ARHGAP24: variants seen among roughly 807,000 people sequenced by gnomAD.
ARHGAP24 encodes the protein Rho GTPase activating protein 24, also known as rho GTPase-activating protein 24.
In ARHGAP24, 50 loss-of-function variants were observed where a neutral mutation model predicts 76.4. The ratio of observed to expected loss-of-function variants is 0.65; its 90% CI spans 0.52 to 0.83. ARHGAP24 has a LOEUF of 0.83. Ranked by LOEUF, ARHGAP24 falls within the 40% of genes least tolerant of loss-of-function variation. The pLI, the probability that ARHGAP24 is intolerant of heterozygous loss-of-function variation, is 0.00. For synonymous variants in ARHGAP24, 345 were observed against 323.3 expected (o/e 1.07, Z -0.72); for missense variants, 930 against 914.2 (o/e 1.02, Z -0.22).
chr4:85,995,433 G>C lies in ARHGAP24; in HGVS notation c.1779G>C (p.Leu593Phe). 6.2e-7 allele frequency: 1 copy of C among 1,611,238 alleles called. No homozygotes were observed. The highest frequency in any genetic ancestry group is 1.1e-5 in the South Asian group (1 of 90,980). Residue 593 changes from leucine to phenylalanine, a missense_variant, in exon 9 of 10, where the codon TTG becomes TTC. Transcript: ENST00000395184. ...FFGGNFEDPV[L>F]DGPPQDDLSH... is the part of the protein sequence containing the mutation. Reference sequence around the variant, plus strand: ...GGGGGAACTTTGAGGACCCTGTTTTGGATGGGCCCCCGCAGGACGACCTTT... The same window carrying C: ...GGGGGAACTTTGAGGACCCTGTTTTCGATGGGCCCCCGCAGGACGACCTTT...
chr4:85,951,880 A>T lies in ARHGAP24; in HGVS notation c.599+9607A>T, dbSNP rs755821374. Among the ~76,000 whole-genome samples the T allele has an allele frequency of 7.2e-5, 11 of 152,278 alleles. No homozygotes were observed. In the East Asian group the frequency reaches 2.1e-3, roughly 29 times the overall value. ...CTCTAATGTTAAGCCCTGAAATTTA[A>T]TTTTTAAATAGCATTTTAAAAATCA... On this transcript the variant is annotated intron_variant, in intron 5 of 9. Transcript: ENST00000395184.
chr4:86,000,454 C>G (rs745857753), intron 9 of ARHGAP24, 25 bp from the exon 10 acceptor site: 2 of 645,666 alleles, frequency 3.1e-6, no homozygotes, highest in Admixed American at 2.8e-5. Flanking sequence ...TCCCCACCCC[C>G]CACCCCCCCC....
At chr4:85,912,053 GAA>G (rs1735117147) in intron 3 of ARHGAP24, among the ~76,000 whole-genome samples, 1 of 152,104 alleles carries the variant, frequency 6.6e-6, no homozygotes, top group Non-Finnish European at 1.5e-5. Context: ...ACAGATTGAA[GAA>G]TTAACAGGGT....
At chr4:85,780,863 T>C (rs1242285946) in intron 3 of ARHGAP24, among the ~76,000 whole-genome samples, 2 of 152,224 alleles carry the variant, frequency 1.3e-5, no homozygotes, top group Non-Finnish European at 2.9e-5. Context: ...GAATAAGTAA[T>C]GTGTTACTGC....
chr4:85,653,976 AATT>A lies in ARHGAP24; in HGVS notation c.181-67900_181-67898del, dbSNP rs553421272. ...GCCTCTGATTCCTTATATTATTAAT[AATT>A]ATTATTATAATTATAATAGAGGTAG... On this transcript the variant is annotated intron_variant, in intron 2 of 9. Coordinates refer to ENST00000395184, the MANE Select transcript of ARHGAP24 (RefSeq NM_001025616.3). 1.8e-3 allele frequency among the ~76,000 whole-genome samples: 281 copies of A among 151,956 alleles called. 1 individual carries two copies. Among genetic ancestry groups the A allele is most frequent in the African/African-American group, 6.7e-3 (276 of 41,478 alleles).
At chr4:85,956,414 G>A (rs372175924) in intron 5 of ARHGAP24, among the ~76,000 whole-genome samples, 12 of 152,200 alleles carry the variant, frequency 7.9e-5, no homozygotes, top group East Asian at 7.7e-4. Context: ...CTTGTTACCC[G>A]GGGGTTCTTG....
chr4:85,739,228 A>G (rs1476535559), intron 3 of ARHGAP24, among the ~76,000 whole-genome samples: 2 of 152,082 alleles, frequency 1.3e-5, no homozygotes, highest in African/African-American at 4.8e-5. Flanking sequence ...TAGGCTTTGT[A>G]ATTTGAGTCT....
At position 85,972,175 on chromosome 4, in the gene ARHGAP24, T is replaced by C. The variant is rs764397086; in HGVS notation, c.732+7T>C. The C allele has an allele frequency of 6.2e-7, 1 of 1,613,254 alleles. No homozygotes were observed. The highest frequency in any genetic ancestry group is 8.5e-7 in the Non-Finnish European group (1 of 1,179,952). On this transcript the variant is annotated splice_region_variant and intron_variant, in intron 6 of 9. Coordinates refer to ENST00000395184, the MANE Select transcript of ARHGAP24 (RefSeq NM_001025616.3). ...CAGCAAGGAAGAGGAAGCAGTAAGT[T>C]GATGCATTTATTTCCAAATAAGCTT...
chr4:85,924,714 A>T (rs1178477399), intron 4 of ARHGAP24: 1 of 152,108 alleles, frequency 6.6e-6, no homozygotes, highest in East Asian at 1.9e-4. Flanking sequence ...TTTTAGAATA[A>T]CTTCAAAAGC....
intron 2 of ARHGAP24, among the ~76,000 whole-genome samples, chr4:85,627,933 G>A (rs958800668): frequency 1.3e-5 from 2 of 152,152 alleles, no homozygotes; most frequent in Admixed American, 1.3e-4. Flanking sequence ...GAAAAGCGCA[G>A]TATTAGGGTG....
chr4:85,919,973 A>G (rs575050845), intron 3 of ARHGAP24, among the ~76,000 whole-genome samples: 4 of 152,322 alleles, frequency 2.6e-5, no homozygotes, highest in Admixed American at 2.6e-4. Flanking sequence ...TGCCACTTAT[A>G]TGTCATACAG....
In ARHGAP24 at chr4:85,622,254, C is replaced by T. The variant is rs181604700; in HGVS notation, c.180+51533C>T. ...TAATGCTATCCCTCCCCCCTCCCCC[C>T]ACCCCAAACAGTCCCCGGTGTGTGA... On this transcript the variant is annotated intron_variant, in intron 2 of 9. Transcript: ENST00000395184. Among the ~76,000 whole-genome samples, 14 of 90,260 alleles carry T rather than the reference C, an allele frequency of 1.6e-4. No homozygotes were observed. In the South Asian group the frequency reaches 8.4e-3, roughly 54 times the overall value. 59.2% of individuals were successfully genotyped at this position (90,260 alleles called of 152,430 possible).
chr4:85,669,811 A>C (rs1027693123), intron 2 of ARHGAP24, among the ~76,000 whole-genome samples: 6 of 151,480 alleles, frequency 4.0e-5, no homozygotes, highest in Non-Finnish European at 8.8e-5. Flanking sequence ...TAATTTAGTG[A>C]ATAATTTAGT....
intron 2 of ARHGAP24, among the ~76,000 whole-genome samples, chr4:85,648,499 A>G (rs1246016052): frequency 6.6e-6 from 1 of 152,084 alleles, no homozygotes; most frequent in African/African-American, 2.4e-5. Context: ...TTACATATAT[A>G]TTATACACTG....
chr4:85,628,023 C>T (rs538898435), intron 2 of ARHGAP24, among the ~76,000 whole-genome samples: 76 of 152,340 alleles, frequency 5.0e-4, no homozygotes, highest in Non-Finnish European at 9.4e-4. Context: ...CCTTGCGCTT[C>T]CCAGGTGAGG....
chr4:85,558,761 T>G (rs1333248715), intron 1 of ARHGAP24, among the ~76,000 whole-genome samples: 1 of 152,224 alleles, frequency 6.6e-6, no homozygotes, highest in African/African-American at 2.4e-5. Context: ...TGAGTGGTCC[T>G]TATTGGAAAT....
At chr4:85,870,579 C>T (rs1221682456) in intron 3 of ARHGAP24, among the ~76,000 whole-genome samples, 2 of 152,008 alleles carry the variant, frequency 1.3e-5, no homozygotes, top group Non-Finnish European at 2.9e-5. Context: ...TAGTGGAGGC[C>T]CTTCTTTTCT....
intron 9 of ARHGAP24, 111 bp from the exon 10 acceptor site, chr4:86,000,367 TC>T: frequency 4.7e-6 from 4 of 856,894 alleles, no homozygotes; most frequent in Non-Finnish European, 7.7e-6. Flanking sequence ...TTCCTAAGCA[TC>T]ATAAAGAGTT....
At chr4:85,773,778 A>T (rs970331880) in intron 3 of ARHGAP24, among the ~76,000 whole-genome samples, 1 of 152,196 alleles carries the variant, frequency 6.6e-6, no homozygotes, top group Non-Finnish European at 1.5e-5. Flanking sequence ...GGAAATTTCT[A>T]TTCTGAATAA....
Sources: gnomAD v4.1 joint callset for allele counts (sites outside exome capture counted in the v4.1 genomes callset) on GRCh38, gnomAD v4.1.1 for gene constraint, MANE v1.5 for transcripts, NCBI Gene and HGNC (gene_info 2026-07-23, HGNC 2026-07-21) for gene names.